The following VWF variants were observed in gnomAD, a reference collection of about 807,000 sequenced individuals.
The protein encoded by VWF is von Willebrand factor.
Under a neutral mutation model 308.6 loss-of-function variants are expected in VWF, and 176 were observed. The observed-to-expected ratio is 0.57, with a 90% CI of 0.50 to 0.65. The LOEUF (loss-of-function observed/expected upper bound fraction) is 0.65, where lower values mean the gene tolerates loss of function less well. VWF is among the 30% of genes least tolerant of loss of function. The probability of loss-of-function intolerance (pLI) is 0.00; values close to 1 mark genes in which losing one functional copy is unlikely to be tolerated. For synonymous variants in VWF, 1,385 were observed against 1,443.4 expected (o/e 0.96, Z 0.92); for missense variants, 3,146 against 3,648.2 (o/e 0.86, Z 3.55).
chr12:6,104,688 C>G (rs1384325443), intron 5 of VWF, among the ~76,000 whole-genome samples: 1 of 151,400 alleles, frequency 6.6e-6, no homozygotes, highest in African/African-American at 2.4e-5. Flanking sequence ...CAGAGTGAGA[C>G]TCTGTCTCGG....
chr12:6,116,418 T>C (rs149922124), intron 3 of VWF, among the ~76,000 whole-genome samples: 2 of 152,358 alleles, frequency 1.3e-5, no homozygotes, highest in Non-Finnish European at 2.9e-5. Flanking sequence ...AACTCACTCA[T>C]CTGCATTTCC....
At chr12:6,039,066 A>C (rs1944368575) in intron 18 of VWF, among the ~76,000 whole-genome samples, 1 of 152,190 alleles carries the variant, frequency 6.6e-6, no homozygotes, top group African/African-American at 2.4e-5. Flanking sequence ...CCAGCACAAC[A>C]GTCCCTGGCC....
intron 34 of VWF, among the ~76,000 whole-genome samples, chr12:6,003,465 T>C (rs928191169): frequency 4.8e-5 from 7 of 147,266 alleles, no homozygotes; most frequent in Admixed American, 4.0e-4. Flanking sequence ...AAAATAGTTA[T>C]AGAATATACA....
intron 5 of VWF, among the ~76,000 whole-genome samples, chr12:6,098,782 A>G (rs940575408): frequency 6.6e-6 from 1 of 152,080 alleles, no homozygotes; most frequent in African/African-American, 2.4e-5. Flanking sequence ...CTCAAAAAAA[A>G]AGAAATTTCA....
At chr12:6,008,306 C>G (rs556127252) in intron 34 of VWF, among the ~76,000 whole-genome samples, 2 of 152,164 alleles carry the variant, frequency 1.3e-5, no homozygotes, top group South Asian at 4.1e-4. Flanking sequence ...ACAGCACAAT[C>G]AAAGGATAAT....
At chr12:6,050,931 G>A (rs571092416) in intron 16 of VWF, among the ~76,000 whole-genome samples, 3 of 150,892 alleles carry the variant, frequency 2.0e-5, no homozygotes, top group South Asian at 4.2e-4. Context: ...CTCCAGCCTG[G>A]GCAACAAGAG....
chr12:6,110,687 G>T (rs1591924498), intron 4 of VWF, 105 bp from the exon 5 acceptor site: 1 of 1,396,752 alleles, frequency 7.2e-7, no homozygotes, highest in East Asian at 2.3e-5. Flanking sequence ...AGAACATGGT[G>T]CAAAGTGGCT....
intron 6 of VWF, among the ~76,000 whole-genome samples, chr12:6,094,353 T>C (rs775308008): frequency 6.6e-6 from 1 of 152,222 alleles, no homozygotes; most frequent in African/African-American, 2.4e-5. Context: ...TAAAGTAGTT[T>C]TCCTTCCAGC....
At chr12:6,113,297 CTTTTTTTT>C (rs56714638) in intron 3 of VWF, among the ~76,000 whole-genome samples, 2 of 138,830 alleles carry the variant, frequency 1.4e-5, no homozygotes, top group African/African-American at 5.4e-5. Flanking sequence ...CGTAGAGAAA[CTTTTTTTT>C]TTTTTTTTTT....
Position 5,993,995 on chromosome 12 carries a change from A to G in VWF, c.6465T>C (p.Ala2155=), listed in dbSNP as rs1591848415. ...PLFAECHKVL[A]PATFYAICQQ... ...GGCAGATGGCATAGAATGTGGCTGGAGCCAGGACCTTGTGGCATTCAGCAA... is the reference window on the plus strand; with the variant it reads ...GGCAGATGGCATAGAATGTGGCTGGGGCCAGGACCTTGTGGCATTCAGCAA... Residue 2155 remains alanine, a synonymous_variant, in exon 37 of 52, where the codon GCT becomes GCC. Transcript: ENST00000261405. 1 of 1,614,188 alleles carries G rather than the reference A, an allele frequency of 6.2e-7. No homozygotes were observed. The highest frequency in any genetic ancestry group is 8.5e-7 in the Non-Finnish European group (1 of 1,180,040).
At chr12:6,045,008 G>T (rs2136441163) in intron 17 of VWF, among the ~76,000 whole-genome samples, 1 of 152,242 alleles carries the variant, frequency 6.6e-6, no homozygotes, top group African/African-American at 2.4e-5. Flanking sequence ...CTTCCCCTCT[G>T]ATATCCTATA....
Position 6,079,435 on chromosome 12 carries a change from T to C in VWF, c.658-3884A>G, listed in dbSNP as rs1338095986. 5.3e-5 allele frequency among the ~76,000 whole-genome samples: 8 copies of C among 150,250 alleles called. No homozygotes were observed. In the East Asian group the frequency reaches 8.1e-4, roughly 15 times the overall value. ...TCCTGGCTAACACGGTGAAACCCCA[T>C]CTCTACTAAAAATACAAAAAAAAAA... On this transcript the variant is annotated intron_variant, in intron 6 of 51. Transcript: ENST00000261405.
chr12:5,951,982 T>C (rs1943196580), intron 49 of VWF, 99 bp from the exon 50 acceptor site: 1 of 1,147,900 alleles, frequency 8.7e-7, no homozygotes, highest in Non-Finnish European at 1.3e-6. Flanking sequence ...CTCACAGCCC[T>C]GTGCTTAAGT....
intron 47 of VWF, among the ~76,000 whole-genome samples, chr12:5,966,950 G>A (rs1211363108): frequency 3.3e-5 from 5 of 152,208 alleles, no homozygotes; most frequent in African/African-American, 1.2e-4. Context: ...GGAACGAGGA[G>A]TCCACCTCTC....
At chr12:6,057,797 T>C (rs1944604794) in intron 14 of VWF, 52 bp downstream of exon 14, 2 of 1,555,210 alleles carry the variant, frequency 1.3e-6, no homozygotes, top group Non-Finnish European at 1.7e-6. Flanking sequence ...TGCACTAATG[T>C]GGAGACCTCG....
intron 38 of VWF, among the ~76,000 whole-genome samples, chr12:5,987,717 T>C (rs527961981): frequency 2.0e-4 from 31 of 152,376 alleles, no homozygotes; most frequent in African/African-American, 7.2e-4. Flanking sequence ...AAAAGCGTTA[T>C]GCTGGGTGAA....
intron 27 of VWF, chr12:6,021,472 C>T (rs563871009): frequency 1.6e-3 from 278 of 177,050 alleles, no homozygotes; most frequent in African/African-American, 6.4e-3. Context: ...GCCCCCACGA[C>T]GTTCATGTTA....
chr12:6,052,352 T>C (rs1454664904), intron 16 of VWF, among the ~76,000 whole-genome samples, 191 bp downstream of exon 16: 2 of 152,226 alleles, frequency 1.3e-5, no homozygotes, highest in Non-Finnish European at 2.9e-5. Flanking sequence ...CCCAGTTCCC[T>C]GTGTAGTAAG....
intron 5 of VWF, among the ~76,000 whole-genome samples, chr12:6,103,881 C>T (rs769349754): frequency 7.9e-5 from 12 of 152,096 alleles, no homozygotes; most frequent in Non-Finnish European, 1.2e-4. Context: ...ACTAAGACTT[C>T]AAAAACACAG....
Sources: allele counts gnomAD v4.1 joint callset (sites outside exome capture counted in the v4.1 genomes callset), GRCh38; gene constraint gnomAD v4.1.1; transcripts MANE v1.5; gene names NCBI Gene and HGNC (gene_info 2026-07-23, HGNC 2026-07-21).